Variants in FER1L5 observed in about 807,000 individuals in gnomAD.
The protein encoded by FER1L5 is fer-1 like family member 5, also known as fer-1-like protein 5.
A neutral mutation model predicts 279.9 loss-of-function variants in FER1L5; 187 were observed. The ratio of observed to expected loss-of-function variants is 0.67; its 90% CI spans 0.59 to 0.75. The LOEUF (loss-of-function observed/expected upper bound fraction) is 0.75, where lower values mean the gene tolerates loss of function less well. FER1L5 is among the 30% of genes least tolerant of loss of function. The probability of loss-of-function intolerance (pLI) is 0.00; values close to 1 mark genes in which losing one functional copy is unlikely to be tolerated. For synonymous variants in FER1L5, 921 were observed against 989.7 expected (o/e 0.93, Z 1.30); for missense variants, 2,091 against 2,594.4 (o/e 0.81, Z 4.21).
chr2:96,647,193 C>T, intron 3 of FER1L5, 38 bp downstream of exon 3: 1 of 1,536,996 alleles, frequency 6.5e-7, no homozygotes. Context: ...TAGCTCCTGA[C>T]CAACGCAGCA....
Position 96,697,693 on chromosome 2 carries a change from A to T in FER1L5, c.4168A>T (p.Lys1390Ter), listed in dbSNP as rs1414949307. ...TGAGCATGAGGTGGACTGGTGGAGC[A>T]AGCTGTTCTGGGCCACAGATGAGCA... ...EYEHEVDWWS[K>*]LFWATDEHKS... is the part of the protein sequence containing the mutation. Residue 1390 changes from lysine to a stop codon, truncating the protein, a stop_gained, in exon 39 of 53, where the codon AAG becomes TAG. Coordinates refer to ENST00000624922, the MANE Select transcript of FER1L5 (RefSeq NM_001293083.2). LOFTEE classifies it high-confidence loss of function. 2.5e-6 allele frequency: 4 copies of T among 1,614,032 alleles called. No individual in the cohort carries two copies. Among genetic ancestry groups the T allele is most frequent in the Non-Finnish European group, 2.5e-6 (3 of 1,179,892 alleles).
intron 4 of FER1L5, among the ~76,000 whole-genome samples, chr2:96,648,133 T>C (rs1298823292): frequency 6.6e-6 from 1 of 152,174 alleles, no homozygotes; most frequent in Non-Finnish European, 1.5e-5. Context: ...CTTAAGCCCA[T>C]GGTCTGTTGG....
At chr2:96,685,491 G>T (rs1391039024) in intron 21 of FER1L5, 62 bp downstream of exon 21, 7 of 1,420,996 alleles carry the variant, frequency 4.9e-6, no homozygotes, top group East Asian at 2.5e-5. Flanking sequence ...TGGGCCTGGG[G>T]ACTCAGCGCA....
At chr2:96,656,456 G>A (rs2075603813) in intron 9 of FER1L5, among the ~76,000 whole-genome samples, 1 of 152,084 alleles carries the variant, frequency 6.6e-6, no homozygotes, top group Non-Finnish European at 1.5e-5. Context: ...GGCCAACATG[G>A]CCATCTCTAC....
At chr2:96,645,555 A>G (rs2075083605) in intron 1 of FER1L5, among the ~76,000 whole-genome samples, 1 of 152,212 alleles carries the variant, frequency 6.6e-6, no homozygotes, top group African/African-American at 2.4e-5. Context: ...TGGGAGGCCG[A>G]GGCAGGCAGA....
Position 96,691,326 on chromosome 2 carries a change from G to A in FER1L5, c.2880G>A (p.Glu960=), listed in dbSNP as rs1459549868. 4.5e-6 allele frequency: 7 copies of A among 1,550,218 alleles called. No individual in the cohort carries two copies. The African/African-American group carries it at 9.6e-5, about 21-fold the overall frequency. ...GGAACCATGGGGAGCTGAGCCACGA[G>A]CAGGAGACCCTCTCCTTCCTGCAGC... ...RFRNHGELSH[E]QETLSFLQLG... Residue 960 remains glutamate, a synonymous_variant, in exon 28 of 53, where the codon GAG becomes GAA. Coordinates refer to ENST00000624922, the MANE Select transcript of FER1L5 (RefSeq NM_001293083.2). The surrounding 1 kb of genome is among the most constrained non-coding windows in gnomAD (Gnocchi z 6.0).
intron 19 of FER1L5, among the ~76,000 whole-genome samples, chr2:96,680,277 CATGCATCTCTGCTTAT>C (rs1357594370): frequency 6.6e-6 from 1 of 151,976 alleles, no homozygotes; most frequent in Non-Finnish European, 1.5e-5. Context: ...GAGCCCCAGG[CATGCATCTCTGCTTAT>C]TTATCATTCC....
In FER1L5 at chr2:96,695,823, A is replaced by G. The variant is rs752100161; in HGVS notation, c.3976A>G (p.Thr1326Ala). 1.2e-6 allele frequency: 2 copies of G among 1,613,206 alleles called. No homozygotes were observed. The highest frequency in any genetic ancestry group is 1.7e-6 in the Non-Finnish European group (2 of 1,179,616). The change falls in exon 36 of 53, where the codon ACG becomes GCG. Residue 1326 changes from threonine (T) to alanine (A), a missense_variant. Coordinates refer to ENST00000624922, the MANE Select transcript of FER1L5 (RefSeq NM_001293083.2). ...CTGGGCCTTCGGCCAGCAGACCGTG[A>G]CGGGCCAGGCCAACATCGACTTCCT... ...DNWAFGQQTV[T>A]GQANIDFLQP...
rs183400539 is a variant in FER1L5, at chr2:96,681,040, T to A, written c.1670-3287T>A. 7.2e-4 allele frequency among the ~76,000 whole-genome samples: 110 copies of A among 152,278 alleles called. 2 individuals carry two copies. The highest frequency in any genetic ancestry group is 1.0e-3 in the African/African-American group (43 of 41,574). On this transcript the variant is annotated intron_variant, in intron 19 of 52. Coordinates refer to ENST00000624922, the MANE Select transcript of FER1L5 (RefSeq NM_001293083.2). ...TTGCCCTGCCTCTTTAAAAAATAAT[T>A]ATTATTATTATATTAAAAATCATAT...
intron 23 of FER1L5, among the ~76,000 whole-genome samples, chr2:96,686,957 G>A (rs1041395374): frequency 3.3e-5 from 5 of 151,500 alleles, no homozygotes; most frequent in South Asian, 4.2e-4. Flanking sequence ...TCCCTGGACC[G>A]TGACGGGGTG....
intron 42 of FER1L5, 58 bp downstream of exon 42, chr2:96,699,194 G>A (rs959022925): frequency 3.3e-6 from 5 of 1,526,608 alleles, no homozygotes; most frequent in Non-Finnish European, 4.5e-6. Context: ...CACACTGGAA[G>A]TCGGCCGGAG....
rs758632760 is a variant in FER1L5 at position 96,684,381 on chromosome 2, C to A, written c.1724C>A (p.Thr575Asn). ...AACACCAAGCCTGTCGTGGCCGTGA[C>A]CTCCAACTGGGAGGACGTCAGCTTC... ...WYNTKPVVAV[T>N]SNWEDVSFRM... The change falls in exon 20 of 53, where the codon ACC becomes AAC. Residue 575 changes from threonine (T) to asparagine (N), a missense_variant. Thr to Asn is a moderately conservative substitution (Grantham distance 65). Coordinates refer to ENST00000624922, the MANE Select transcript of FER1L5 (RefSeq NM_001293083.2). 1 of 1,551,698 alleles carries A rather than the reference C, an allele frequency of 6.4e-7. No individual in the cohort carries two copies. Among genetic ancestry groups the A allele is most frequent in the South Asian group, 1.2e-5 (1 of 84,066 alleles).
intron 9 of FER1L5, chr2:96,654,828 G>T (rs1234869164): frequency 6.2e-6 from 1 of 160,330 alleles, no homozygotes; most frequent in East Asian, 1.7e-4. Flanking sequence ...GAACCCAGGA[G>T]GCGGAGCTTG....
intron 14 of FER1L5, among the ~76,000 whole-genome samples, chr2:96,667,347 CT>C (rs551114241): frequency 3.3e-3 from 453 of 139,098 alleles, no homozygotes; most frequent in Admixed American, 4.4e-3. Context: ...ATTATTTATT[CT>C]TTTTTTTTTT....
intron 7 of FER1L5, 185 bp from the exon 8 acceptor site, chr2:96,653,455 C>G: frequency 1.7e-6 from 1 of 595,792 alleles, no homozygotes. Context: ...CAGAAAGTTT[C>G]AGATTTTGGA....
Position 96,649,383 on chromosome 2 carries a change from T to C in FER1L5, c.340-240T>C, listed in dbSNP as rs148796735. 6.2e-4 allele frequency among the ~76,000 whole-genome samples: 94 copies of C among 152,258 alleles called. 1 individual carries two copies. Among genetic ancestry groups the C allele is most frequent in the African/African-American group, 2.2e-3 (91 of 41,548 alleles). ...TCCTTTTCTGCCACCATCACCACCA[T>C]GTGGCTGCTTTAATCTACAAACATC... On this transcript the variant is annotated intron_variant, in intron 4 of 52. Transcript: ENST00000624922.
At position 96,647,809 on chromosome 2, in the gene FER1L5, C is replaced by G. The variant is rs1324926128; in HGVS notation, c.262C>G (p.Pro88Ala). The part of the protein sequence containing the change: ...FIGLATVLLK[P>A]LLKQPSEVLF... ...TGGCCTGGCCACAGTACTGCTCAAG[C>G]CATTGTTGAAACAACCAAGTGAGGT... Residue 88 changes from proline to alanine, a missense_variant, in exon 4 of 53, where the codon CCA becomes GCA. Pro to Ala is a conservative substitution (Grantham distance 27). Transcript: ENST00000624922. The G allele has an allele frequency of 6.4e-7, 1 of 1,551,790 alleles. No homozygotes were observed. Among genetic ancestry groups the G allele is most frequent in the Non-Finnish European group, 8.7e-7 (1 of 1,147,012 alleles).
intron 18 of FER1L5, among the ~76,000 whole-genome samples, chr2:96,672,235 C>T (rs974595565): frequency 1.3e-5 from 2 of 152,108 alleles, no homozygotes; most frequent in East Asian, 1.9e-4. Flanking sequence ...TCCACCACCA[C>T]GCCCGGCTAA....
In FER1L5 at chr2:96,702,630, G is replaced by A; in HGVS notation, c.5286G>A (p.Gln1762=). The A allele has an allele frequency of 1.3e-6, 2 of 1,592,128 alleles. No individual in the cohort carries two copies. Among genetic ancestry groups the A allele is most frequent in the African/African-American group, 2.7e-5 (2 of 74,564 alleles). ...GWLYGLEKDM[Q]KTDIHYHSLT... ...TATACGGGCTGGAGAAGGACATGCA[G>A]AAGACAGACATCCACTACCACTCGC... The change falls in exon 48 of 53, where the codon CAG becomes CAA. Residue 1762 remains glutamine (Q), a synonymous_variant. Transcript: ENST00000624922. The surrounding 1 kb of genome is among the most constrained non-coding windows in gnomAD (Gnocchi z 4.0).
Sources: allele counts gnomAD v4.1 joint callset (sites outside exome capture counted in the v4.1 genomes callset), GRCh38; gene constraint gnomAD v4.1.1; non-coding constraint Gnocchi (gnomAD v3.1); transcripts MANE v1.5; gene names NCBI Gene and HGNC (gene_info 2026-07-23, HGNC 2026-07-21).